MED27: variants seen among roughly 807,000 people sequenced by gnomAD.
The protein encoded by MED27 is mediator complex subunit 27, also known as mediator of RNA polymerase II transcription subunit 27.
A neutral mutation model predicts 38.2 loss-of-function variants in MED27; 30 were observed. The ratio of observed to expected loss-of-function variants is 0.79; its 90% CI spans 0.59 to 1.07. The LOEUF (loss-of-function observed/expected upper bound fraction) is 1.07. Among genes scored for constraint, MED27 ranks in the 50% least tolerant of loss-of-function variants. MED27 has a pLI of 0.00. For missense variants in MED27, 289 were observed against 397.5 expected, an observed-to-expected ratio of 0.73 and a Z score of 2.32; for synonymous variants, 122 against 153.5, an observed-to-expected ratio of 0.79 and a Z score of 1.52.
rs1831748975 is a variant in MED27 at position 131,982,056 on chromosome 9, C to CA, written c.479+32280dup. 6.6e-6 allele frequency among the ~76,000 whole-genome samples: 1 copy of CA among 152,214 alleles called. No individual in the cohort carries two copies. Among genetic ancestry groups the CA allele is most frequent in the African/African-American group, 2.4e-5 (1 of 41,452 alleles). ...TTATCATGCACTTCCCATGTTCTTC[C>CA]ACGTTGGTAGTCTGTTTCACTCATG... On this transcript the variant is annotated intron_variant, in intron 3 of 7. Coordinates refer to ENST00000292035, the MANE Select transcript of MED27 (RefSeq NM_004269.4). The surrounding 1 kb of genome is among the most constrained non-coding windows in gnomAD (Gnocchi z 4.3).
intron 3 of MED27, among the ~76,000 whole-genome samples, chr9:131,968,432 C>A (rs1405295829): frequency 6.8e-6 from 1 of 146,046 alleles, no homozygotes; most frequent in East Asian, 2.0e-4. Context: ...CTAGATCACA[C>A]CACTGCACTC....
At chr9:131,981,499 C>T (rs932894995) in intron 3 of MED27, among the ~76,000 whole-genome samples, 2 of 152,190 alleles carry the variant, frequency 1.3e-5, no homozygotes, top group African/African-American at 4.8e-5. Flanking sequence ...TTTGTGAGAA[C>T]CAATCCTAAC....
At chr9:132,046,383 T>C (rs1326188580) in intron 2 of MED27, among the ~76,000 whole-genome samples, 2 of 152,058 alleles carry the variant, frequency 1.3e-5, no homozygotes, top group African/African-American at 2.4e-5. Flanking sequence ...GAATATAAAC[T>C]GGTATAGCTA....
chr9:131,870,823 C>T (rs970013057), intron 6 of MED27, among the ~76,000 whole-genome samples: 1 of 152,220 alleles, frequency 6.6e-6, no homozygotes, highest in African/African-American at 2.4e-5. Context: ...CCAGAAGCTT[C>T]AACCTGTCTG....
At chr9:131,963,083 G>A (rs1433980129) in intron 3 of MED27, among the ~76,000 whole-genome samples, 2 of 152,124 alleles carry the variant, frequency 1.3e-5, no homozygotes, top group Non-Finnish European at 2.9e-5. Flanking sequence ...GCAATGGCCA[G>A]TAAAATATTA....
At chr9:132,073,235 GCAC>G (rs1428774945) in intron 2 of MED27, 3 of 780,890 alleles carry the variant, frequency 3.8e-6, no homozygotes, top group Non-Finnish European at 1.6e-6. Flanking sequence ...TCCCATCCAA[GCAC>G]CACAACTGGC....
At chr9:131,903,081 C>T (rs865968097) in intron 4 of MED27, among the ~76,000 whole-genome samples, 13 of 151,966 alleles carry the variant, frequency 8.6e-5, no homozygotes, top group Non-Finnish European at 1.3e-4. Flanking sequence ...GTGGTGGCCA[C>T]GGGTGTATTA....
At chr9:132,020,787 A>G (rs1446315218) in intron 2 of MED27, among the ~76,000 whole-genome samples, 4 of 152,194 alleles carry the variant, frequency 2.6e-5, no homozygotes, top group Non-Finnish European at 4.4e-5. Context: ...TTTAATCTAA[A>G]TATCAGATGA....
At chr9:132,010,630 C>A (rs533450972) in intron 3 of MED27, among the ~76,000 whole-genome samples, 1 of 152,180 alleles carries the variant, frequency 6.6e-6, no homozygotes, top group Non-Finnish European at 1.5e-5. Flanking sequence ...TTGGAACCAA[C>A]CTAAATGTCC....
Position 132,075,392 on chromosome 9 carries a change from C to T in MED27, c.348+2050G>A, listed in dbSNP as rs72763636. 3.6e-3 allele frequency among the ~76,000 whole-genome samples: 551 copies of T among 152,202 alleles called. 1 individual carries two copies. Among genetic ancestry groups the T allele is most frequent in the Non-Finnish European group, 6.6e-3 (449 of 68,012 alleles). ...TTACAGATGCTTAACCTCAGCAGGC[C>T]GGGGGCATGGCTACAACCTCGACAC... On this transcript the variant is annotated intron_variant, in intron 2 of 7. Coordinates refer to ENST00000292035, the MANE Select transcript of MED27 (RefSeq NM_004269.4).
rs949630336 is a variant in MED27 at position 131,872,895 on chromosome 9, G to A, written c.724-9755C>T. Among the ~76,000 whole-genome samples the A allele has an allele frequency of 1.3e-5, 2 of 152,200 alleles. No individual in the cohort carries two copies. The highest frequency in any genetic ancestry group is 4.8e-5 in the African/African-American group (2 of 41,452). On this transcript the variant is annotated intron_variant, in intron 6 of 7. Coordinates refer to ENST00000292035, the MANE Select transcript of MED27 (RefSeq NM_004269.4). The surrounding 1 kb of genome is among the most constrained non-coding windows in gnomAD (Gnocchi z 5.6). Reference sequence around the variant, plus strand: ...GAGGATTCAGCTTGGAACCAGGGAGGCCACCTGCACAGCACTGTCCTCTGT... The same window carrying A: ...GAGGATTCAGCTTGGAACCAGGGAGACCACCTGCACAGCACTGTCCTCTGT...
At chr9:131,892,975 T>C (rs1232533490) in intron 5 of MED27, among the ~76,000 whole-genome samples, 1 of 152,256 alleles carries the variant, frequency 6.6e-6, no homozygotes, top group Admixed American at 6.5e-5. Flanking sequence ...GCTGGGTTAC[T>C]TGTTCAAAAC....
chr9:131,986,156 GA>G (rs747456443), intron 3 of MED27, among the ~76,000 whole-genome samples: 1 of 152,100 alleles, frequency 6.6e-6, no homozygotes, highest in Non-Finnish European at 1.5e-5. Context: ...TATTACGGAA[GA>G]AAAAATGTTC....
intron 3 of MED27, among the ~76,000 whole-genome samples, chr9:131,978,368 T>C (rs1831655232): frequency 6.6e-6 from 1 of 152,148 alleles, no homozygotes; most frequent in African/African-American, 2.4e-5. Context: ...ACAAACTGCT[T>C]AAAAAAATTA....
At chr9:131,964,166 T>TTTTGAAG (rs1478474243) in intron 3 of MED27, among the ~76,000 whole-genome samples, 1 of 151,882 alleles carries the variant, frequency 6.6e-6, no homozygotes, top group Non-Finnish European at 1.5e-5. Context: ...AAATGAAGAT[T>TTTTGAAG]GTAGTTGCAC....
intron 3 of MED27, among the ~76,000 whole-genome samples, chr9:131,986,999 A>ATTTTTTTTTTTTTTTTTTTTTTTTTT (rs66519112): frequency 2.2e-5 from 1 of 46,224 alleles, no homozygotes; most frequent in Non-Finnish European, 3.7e-5. Context: ...GAGTTCATGG[A>ATTTTTTTTTTTTTTTTTTTTTTTTTT]TTTTTTTTTT....
chr9:132,057,822 G>A (rs912750570), intron 2 of MED27, among the ~76,000 whole-genome samples: 8 of 152,188 alleles, frequency 5.3e-5, no homozygotes, highest in Non-Finnish European at 1.0e-4. Context: ...TGACAACAAA[G>A]GAGACATCAG....
At chr9:132,028,157 T>C (rs1832864882) in intron 2 of MED27, among the ~76,000 whole-genome samples, 1 of 152,192 alleles carries the variant, frequency 6.6e-6, no homozygotes, top group Admixed American at 6.5e-5. Flanking sequence ...CTGTCCCCTC[T>C]ACCTGGAACG....
At chr9:131,996,438 G>A (rs776523999) in intron 3 of MED27, among the ~76,000 whole-genome samples, 1 of 152,214 alleles carries the variant, frequency 6.6e-6, no homozygotes, top group Non-Finnish European at 1.5e-5. Context: ...AAAGGAGAGA[G>A]AGAACGAGAC....
Sources: allele counts gnomAD v4.1 joint callset (sites outside exome capture counted in the v4.1 genomes callset), GRCh38; gene constraint gnomAD v4.1.1; non-coding constraint Gnocchi (gnomAD v3.1); transcripts MANE v1.5; gene names NCBI Gene and HGNC (gene_info 2026-07-23, HGNC 2026-07-21).